Variants in ZNF540 observed in about 807,000 individuals in gnomAD.
ZNF540 encodes CTD-3064H18.6.
ZNF540 carries 3 observed loss-of-function variants against 11.8 expected under a neutral mutation model. The observed-to-expected ratio is 0.25, with a 90% CI of 0.12 to 0.65. The LOEUF is 0.65. Ranked by LOEUF, ZNF540 falls within the 30% of genes least tolerant of loss-of-function variation. The pLI is 0.83. For synonymous variants in ZNF540, 247 were observed against 259.0 expected, an observed-to-expected ratio of 0.95 and a Z score of 0.45; for missense variants, 709 against 793.1, an observed-to-expected ratio of 0.89 and a Z score of 1.27.
chr19:37,564,429 T>C (rs1568338040), intron 1 of ZNF540: 2 of 484,414 alleles, frequency 4.1e-6, no homozygotes, highest in Non-Finnish European at 6.9e-6. Flanking sequence ...CTAGCGTTTA[T>C]AGAGATGTTA....
chr19:37,579,963 G>A (rs908441913), intron 1 of ZNF540, among the ~76,000 whole-genome samples: 1 of 151,586 alleles, frequency 6.6e-6, no homozygotes, highest in African/African-American at 2.4e-5. Flanking sequence ...CTATTATTCT[G>A]GAAAAAAAAG....
At chr19:37,609,095 GTTTC>G (rs1433501973) in intron 4 of ZNF540, among the ~76,000 whole-genome samples, 1 of 152,096 alleles carries the variant, frequency 6.6e-6, no homozygotes, top group Non-Finnish European at 1.5e-5. Flanking sequence ...AAATTGTTGA[GTTTC>G]TTTGTTCATT....
Position 37,611,816 on chromosome 19 carries a change from G to A in ZNF540, c.536G>A (p.Gly179Glu). 2 of 1,613,992 alleles carry A rather than the reference G, an allele frequency of 1.2e-6. No homozygotes were observed. Among genetic ancestry groups the A allele is most frequent in the South Asian group, 1.1e-5 (1 of 91,068 alleles). The change falls in exon 5 of 5, where the codon GGG becomes GAG. Residue 179 changes from glycine (G) to glutamate (E), a missense_variant. Coordinates refer to ENST00000316433, the MANE Select transcript of ZNF540 (RefSeq NM_001172225.3). ...KSCDSHLVQH[G>E]KIDSDVKHDC... ...TGTGACTCACACTTGGTTCAACATG[G>A]GAAAATAGATTCTGATGTGAAACAT...
At chr19:37,553,746 CAA>C (rs2042632762) in intron 1 of ZNF540, among the ~76,000 whole-genome samples, 1 of 137,788 alleles carries the variant, frequency 7.3e-6, no homozygotes, top group African/African-American at 2.8e-5. Flanking sequence ...GGATCTCACA[CAA>C]ATAATACTTC....
At chr19:37,557,743 A>T (rs529432986) in intron 1 of ZNF540, among the ~76,000 whole-genome samples, 2 of 151,774 alleles carry the variant, frequency 1.3e-5, no homozygotes, top group African/African-American at 4.8e-5. Context: ...CTAACAGTAA[A>T]CTCTGATATT....
intron 1 of ZNF540, among the ~76,000 whole-genome samples, chr19:37,576,786 C>A (rs1396966076): frequency 3.9e-5 from 6 of 152,116 alleles, no homozygotes; most frequent in Non-Finnish European, 7.4e-5. Flanking sequence ...ATATGCTTAG[C>A]CATAAACTTA....
chr19:37,565,554 A>G (rs979214509), intron 1 of ZNF540: 3 of 1,612,682 alleles, frequency 1.9e-6, no homozygotes, highest in Non-Finnish European at 2.5e-6. Flanking sequence ...GTAAGTTGAG[A>G]GCCAAGAATA....
chr19:37,566,835 C>T (rs531696484), intron 1 of ZNF540, among the ~76,000 whole-genome samples: 1 of 152,256 alleles, frequency 6.6e-6, no homozygotes, highest in South Asian at 2.1e-4. Flanking sequence ...AAAATCTTCC[C>T]TATTAATGGT....
At chr19:37,554,482 G>C (rs553597959) in intron 1 of ZNF540, among the ~76,000 whole-genome samples, 1 of 152,008 alleles carries the variant, frequency 6.6e-6, no homozygotes, top group Non-Finnish European at 1.5e-5. Context: ...TGTTACTTTT[G>C]TCCCCATGTA....
chr19:37,554,734 G>C (rs999606826), intron 1 of ZNF540: 5 of 152,140 alleles, frequency 3.3e-5, no homozygotes, highest in Admixed American at 3.3e-4. Context: ...CTCTTTTACA[G>C]TGTTTTTCCC....
intron 4 of ZNF540, among the ~76,000 whole-genome samples, chr19:37,604,075 C>T (rs144846683): frequency 1.6e-3 from 246 of 152,098 alleles, no homozygotes; most frequent in African/African-American, 5.8e-3. Flanking sequence ...TCTCGAGTAG[C>T]TAAACTAACT....
At chr19:37,593,634 C>T (rs1238794293), upstream of ZNF540, among the ~76,000 whole-genome samples, 3 of 152,088 alleles carry the variant, frequency 2.0e-5, no homozygotes, top group Admixed American at 6.5e-5. Flanking sequence ...ACCCGGAAGG[C>T]GGAGCTTGCA....
chr19:37,577,292 G>A (rs541428691), intron 1 of ZNF540, among the ~76,000 whole-genome samples: 12 of 152,090 alleles, frequency 7.9e-5, no homozygotes, highest in Non-Finnish European at 1.6e-4. Flanking sequence ...CATACTATAT[G>A]CTTTAATAAA....
chr19:37,552,937 ACT>A (rs1418474977), intron 1 of ZNF540, among the ~76,000 whole-genome samples: 1 of 150,996 alleles, frequency 6.6e-6, no homozygotes, highest in African/African-American at 2.4e-5. Context: ...ACGGGGTGAG[ACT>A]CTGTCTCGAA....
intron 4 of ZNF540, among the ~76,000 whole-genome samples, chr19:37,608,607 G>C (rs576939887): frequency 6.6e-6 from 1 of 151,820 alleles, no homozygotes; most frequent in Admixed American, 6.6e-5. Context: ...AGGTGAACAT[G>C]ATGTACTGGG....
chr19:37,610,991 A>G (rs2044123517), intron 4 of ZNF540: 1 of 151,836 alleles, frequency 6.6e-6, no homozygotes, highest in African/African-American at 2.4e-5. Context: ...ACGTAAATAA[A>G]CTATTTGCCA....
chr19:37,566,486 T>A, intron 1 of ZNF540: 1 of 596,068 alleles, frequency 1.7e-6, no homozygotes, highest in Non-Finnish European at 2.7e-6. Context: ...GGAAAGAAGG[T>A]AATTAGAAAA....
intron 1 of ZNF540, among the ~76,000 whole-genome samples, chr19:37,587,636 T>C (rs1033440974): frequency 1.3e-5 from 2 of 151,744 alleles, no homozygotes; most frequent in Non-Finnish European, 2.9e-5. Context: ...ACATGTATAA[T>C]CCATGAACTT....
intron 1 of ZNF540, among the ~76,000 whole-genome samples, chr19:37,554,422 T>C (rs1480581474): frequency 6.6e-6 from 1 of 152,222 alleles, no homozygotes; most frequent in Non-Finnish European, 1.5e-5. Flanking sequence ...TTCCTCCCTA[T>C]TCCTTTCTCT....
Sources: gnomAD v4.1 joint callset for allele counts (sites outside exome capture counted in the v4.1 genomes callset) on GRCh38, gnomAD v4.1.1 for gene constraint, MANE v1.5 for transcripts, NCBI Gene and HGNC (gene_info 2026-07-23, HGNC 2026-07-21) for gene names.